OPCML: variants seen among roughly 807,000 people sequenced by gnomAD.
The protein encoded by OPCML is opioid binding protein/cell adhesion molecule like, also known as opioid-binding protein/cell adhesion molecule.
Under a neutral mutation model 37.8 loss-of-function variants are expected in OPCML, and 13 were observed. The ratio of observed to expected loss-of-function variants is 0.34; its 90% CI spans 0.22 to 0.55. The LOEUF (loss-of-function observed/expected upper bound fraction) is 0.55, where lower values mean the gene tolerates loss of function less well. Ranked by LOEUF, OPCML falls within the 20% of genes least tolerant of loss-of-function variation. OPCML has a pLI of 0.91. For missense variants in OPCML, 341 were observed against 435.6 expected, an observed-to-expected ratio of 0.78 and a Z score of 1.93; for synonymous variants, 176 against 168.8, an observed-to-expected ratio of 1.04 and a Z score of -0.33.
At chr11:132,916,328 T>G (rs1280525291) in intron 2 of OPCML, among the ~76,000 whole-genome samples, 3 of 152,134 alleles carry the variant, frequency 2.0e-5, no homozygotes, top group Non-Finnish European at 1.5e-5. Context: ...GGGCCCCTTT[T>G]CTCCATGACT....
intron 4 of OPCML, among the ~76,000 whole-genome samples, chr11:132,502,842 G>A (rs960549437): frequency 2.6e-5 from 4 of 152,154 alleles, no homozygotes. Context: ...GGGGCGCCTT[G>A]GCTTAACAAT....
chr11:132,483,604 G>T (rs149316867), intron 4 of OPCML, among the ~76,000 whole-genome samples: 23 of 151,950 alleles, frequency 1.5e-4, no homozygotes, highest in Non-Finnish European at 7.4e-5. Context: ...AGCCCGCATC[G>T]CCAAGTCAGT....
chr11:132,473,423 A>C (rs1736426781), intron 4 of OPCML, among the ~76,000 whole-genome samples: 1 of 152,202 alleles, frequency 6.6e-6, no homozygotes, highest in African/African-American at 2.4e-5. Context: ...TCACTAAGGA[A>C]ACCTAACTAG....
chr11:132,463,588 C>T (rs2096110028), intron 4 of OPCML, among the ~76,000 whole-genome samples: 1 of 152,174 alleles, frequency 6.6e-6, no homozygotes, highest in Non-Finnish European at 1.5e-5. Context: ...TTGAGAGGAG[C>T]TGAGGGTTAG....
rs1401539282 is a variant in OPCML, at chr11:133,266,017, G to A, written c.61+266247C>T. Among the ~76,000 whole-genome samples the A allele has an allele frequency of 3.9e-5, 6 of 152,014 alleles. No homozygotes were observed. In the South Asian group the frequency reaches 6.2e-4, roughly 16 times the overall value. On this transcript the variant is annotated intron_variant, in intron 1 of 7. Transcript: ENST00000524381. ...AGGGGATGGAGAAATGAGGCACACA[G>A]GCCAAGAATCAAAATAGCAATTTGA...
intron 1 of OPCML, among the ~76,000 whole-genome samples, chr11:133,145,684 C>G (rs1200959995): frequency 2.6e-5 from 4 of 152,252 alleles, no homozygotes; most frequent in Middle Eastern, 3.4e-3. Flanking sequence ...TAAGAAAGAG[C>G]GTGGAGGTAG....
chr11:132,689,667 T>C (rs904451919), intron 2 of OPCML, among the ~76,000 whole-genome samples: 4 of 152,236 alleles, frequency 2.6e-5, no homozygotes, highest in African/African-American at 7.2e-5. Context: ...GCACAGAATT[T>C]GATAACAGAG....
chr11:132,590,363 T>A (rs1360126937), intron 3 of OPCML, among the ~76,000 whole-genome samples: 1 of 152,118 alleles, frequency 6.6e-6, no homozygotes, highest in African/African-American at 2.4e-5. Flanking sequence ...GGACCACATC[T>A]ACACAGTAGT....
intron 1 of OPCML, among the ~76,000 whole-genome samples, chr11:133,085,637 A>T (rs1040062158): frequency 6.6e-6 from 1 of 152,246 alleles, no homozygotes; most frequent in Non-Finnish European, 1.5e-5. Flanking sequence ...GGCATATGTT[A>T]TTGATGAGAA....
chr11:132,428,699 C>G (rs1007761282), intron 7 of OPCML, among the ~76,000 whole-genome samples: 2 of 152,172 alleles, frequency 1.3e-5, no homozygotes, highest in African/African-American at 4.8e-5. Flanking sequence ...GTCCCTTGCC[C>G]CTTCCATCCA....
intron 2 of OPCML, among the ~76,000 whole-genome samples, chr11:132,701,540 T>A (rs1382347117): frequency 6.6e-6 from 1 of 152,220 alleles, no homozygotes; most frequent in African/African-American, 2.4e-5. Context: ...TTGTCTTTAA[T>A]CTAAAGTGAG....
intron 1 of OPCML, among the ~76,000 whole-genome samples, chr11:133,527,851 A>T (rs866279590): frequency 6.6e-6 from 1 of 152,206 alleles, no homozygotes; most frequent in African/African-American, 2.4e-5. Context: ...AGCTTTCAGC[A>T]TACTTAGAGG....
chr11:133,438,934 G>T (rs1156303864), intron 1 of OPCML, among the ~76,000 whole-genome samples: 2 of 152,138 alleles, frequency 1.3e-5, no homozygotes, highest in African/African-American at 4.8e-5. Context: ...CCCGGAGAGG[G>T]CATGGAGGCT....
At chr11:132,753,500 C>T (rs1945911124) in intron 2 of OPCML, among the ~76,000 whole-genome samples, 1 of 152,120 alleles carries the variant, frequency 6.6e-6, no homozygotes, top group African/African-American at 2.4e-5. Context: ...GGCTACATAC[C>T]TACATACATA....
chr11:132,490,522 C>T (rs532335673), intron 4 of OPCML, among the ~76,000 whole-genome samples: 34 of 149,654 alleles, frequency 2.3e-4, no homozygotes, highest in African/African-American at 7.5e-4. Flanking sequence ...ATGCCTTCCA[C>T]GCTTCCATCT....
intron 1 of OPCML, among the ~76,000 whole-genome samples, chr11:133,440,501 T>C (rs899933037): frequency 6.6e-5 from 10 of 150,520 alleles, no homozygotes; most frequent in Non-Finnish European, 1.3e-4. Context: ...CCGAGGTGGG[T>C]GGATCAACTG....
chr11:132,659,312 T>C (rs559185686), intron 2 of OPCML, among the ~76,000 whole-genome samples: 123 of 152,336 alleles, frequency 8.1e-4, no homozygotes, highest in African/African-American at 2.7e-3. Flanking sequence ...ATTTATTCAT[T>C]CTCAGTTGCA....
chr11:132,694,986 A>T (rs1251450026), intron 2 of OPCML, among the ~76,000 whole-genome samples: 1 of 152,214 alleles, frequency 6.6e-6, no homozygotes, highest in Non-Finnish European at 1.5e-5. Flanking sequence ...CCTAGCTCTG[A>T]AATGCATACC....
rs188856736 is a variant in OPCML at position 132,692,849 on chromosome 11, A to G, written c.147-35530T>C. Among the ~76,000 whole-genome samples the G allele has an allele frequency of 3.5e-3, 534 of 152,358 alleles. 4 individuals are homozygous for G. Among genetic ancestry groups the G allele is most frequent in the South Asian group, 0.021 (103 of 4,826 alleles). ...AATGTCCATTGGTCCTTGTATTGAAATTGATCATGAACCACCTTTTCCCAC... is the reference window on the plus strand; with the variant it reads ...AATGTCCATTGGTCCTTGTATTGAAGTTGATCATGAACCACCTTTTCCCAC... On this transcript the variant is annotated intron_variant, in intron 2 of 7. Coordinates refer to ENST00000524381, the MANE Select transcript of OPCML (RefSeq NM_001012393.5).
Sources: gnomAD v4.1 joint callset for allele counts (sites outside exome capture counted in the v4.1 genomes callset) on GRCh38, gnomAD v4.1.1 for gene constraint, MANE v1.5 for transcripts, NCBI Gene and HGNC (gene_info 2026-07-23, HGNC 2026-07-21) for gene names.